Variants in LIN9 observed in about 807,000 individuals in gnomAD.
LIN9 encodes lin-9 DREAM MuvB core complex component, also known as protein lin-9 homolog.
A neutral mutation model predicts 78.0 loss-of-function variants in LIN9; 18 were observed. The ratio of observed to expected loss-of-function variants is 0.23; its 90% confidence interval spans 0.16 to 0.34. LIN9 has a LOEUF of 0.34. Ranked by LOEUF, LIN9 falls within the 10% of genes least tolerant of loss-of-function variation. The pLI is 1.00. For missense variants in LIN9, 451 were observed against 644.1 expected (o/e 0.70, Z 3.25); for synonymous variants, 192 against 215.2 (o/e 0.89, Z 0.94).
Position 226,287,773 on chromosome 1 carries a change from G to T in LIN9, c.289C>A (p.Pro97Thr). ...ATCTTCTGTGAAGCTTTCTTATCTG[G>T]TGTTGACATTGTTGCTGTAAATTTC... ...PQKFTATMST[P>T]DKKASQKIGF... The change falls in exon 5 of 15, where the codon CCA becomes ACA. Residue 97 changes from proline (P) to threonine (T), a missense_variant. By Grantham distance (38) the Pro-to-Thr change is conservative (BLOSUM62 -1). Coordinates refer to ENST00000681046, the MANE Select transcript of LIN9 (RefSeq NM_001366245.2). The T allele has an allele frequency of 1.9e-6, 3 of 1,552,094 alleles. No homozygotes were observed. Among genetic ancestry groups the T allele is most frequent in the Non-Finnish European group, 2.6e-6 (3 of 1,160,310 alleles).
intron 4 of LIN9, among the ~76,000 whole-genome samples, chr1:226,291,173 T>G (rs752675810): frequency 6.6e-6 from 1 of 152,200 alleles, no homozygotes; most frequent in Non-Finnish European, 1.5e-5. Flanking sequence ...ACTTGCAAAT[T>G]TATACAAACA....
rs1418487411 is a variant in LIN9 at position 226,231,315 on chromosome 1, T to C, written c.*1186A>G. On this transcript the variant is annotated 3_prime_UTR_variant, in exon 15 of 15. Coordinates refer to ENST00000681046, the MANE Select transcript of LIN9 (RefSeq NM_001366245.2). ...AGAATACGGAAGCCTTTTTAAACTATACAAAAATTTCAAATGGAAAATAAT... is the reference window on the plus strand; with the variant it reads ...AGAATACGGAAGCCTTTTTAAACTACACAAAAATTTCAAATGGAAAATAAT... 1 of 152,570 alleles carries C rather than the reference T, an allele frequency of 6.6e-6. No homozygotes were observed. The highest frequency in any genetic ancestry group is 2.4e-5 in the African/African-American group (1 of 41,460). The allele number at this position is 152,570 out of a possible 1,614,324, so 9.5% of individuals were successfully genotyped here.
At chr1:226,300,690 T>C (rs991956160) in intron 2 of LIN9, among the ~76,000 whole-genome samples, 1 of 152,184 alleles carries the variant, frequency 6.6e-6, no homozygotes, top group Non-Finnish European at 1.5e-5. Context: ...ATCCCGTCTC[T>C]ACTGAAATTA....
In LIN9 at chr1:226,268,056, A is replaced by G; in HGVS notation, c.717T>C (p.Thr239=). 6.2e-7 allele frequency: 1 copy of G among 1,614,138 alleles called. No individual in the cohort carries two copies. The highest frequency in any genetic ancestry group is 1.1e-5 in the South Asian group (1 of 91,080). Reference sequence around the variant, plus strand: ...GAGTATCCACAGCATCTATTTGTCCAGTGAACAAACCATCATGAACACCAC... The same window carrying G: ...GAGTATCCACAGCATCTATTTGTCCGGTGAACAAACCATCATGAACACCAC... ...RLRGVHDGLF[T]GQIDAVDTLN... is the part of the protein sequence containing the mutation. Residue 239 remains threonine, a synonymous_variant, in exon 8 of 15, where the codon ACT becomes ACC. Coordinates refer to ENST00000681046, the MANE Select transcript of LIN9 (RefSeq NM_001366245.2).
intron 4 of LIN9, among the ~76,000 whole-genome samples, chr1:226,290,333 C>CT (rs60478152): frequency 0.03 from 4,097 of 136,682 alleles, 169 homozygotes; most frequent in African/African-American, 0.097. Context: ...GAGGCTATTT[C>CT]TTTTTTTTTT....
intron 6 of LIN9, among the ~76,000 whole-genome samples, chr1:226,279,993 CATG>C (rs1388484158): frequency 3.9e-5 from 6 of 152,204 alleles, no homozygotes; most frequent in Non-Finnish European, 5.9e-5. Context: ...CCCAAAAGAA[CATG>C]ATATTTTCTC....
chr1:226,253,792 G>A (rs187599720), intron 10 of LIN9, among the ~76,000 whole-genome samples: 1 of 152,098 alleles, frequency 6.6e-6, no homozygotes, highest in African/African-American at 2.4e-5. Flanking sequence ...GCAGGCACCT[G>A]TAATCCTGGC....
At chr1:226,261,344 T>A (rs931820296) in intron 10 of LIN9, among the ~76,000 whole-genome samples, 1 of 151,264 alleles carries the variant, frequency 6.6e-6, no homozygotes, top group Non-Finnish European at 1.5e-5. Context: ...AAAACAACTA[T>A]CTGTTTTAGG....
Position 226,277,922 on chromosome 1 carries a change from CAGA to C in LIN9, c.532_534del (p.Ser178del). 2 of 1,610,480 alleles carry C rather than the reference CAGA, an allele frequency of 1.2e-6. No homozygotes were observed. The highest frequency in any genetic ancestry group is 1.7e-6 in the Non-Finnish European group (2 of 1,178,264). On this transcript the variant is annotated inframe_deletion, in exon 7 of 15. Transcript: ENST00000681046. ...GCTGATCTCTCTTCCTCAAAAAATG[CAGA>C]AGAACATCTAGAATAAATTATAAAA...
intron 3 of LIN9, 87 bp downstream of exon 3, chr1:226,297,632 T>TC (rs1662238493): frequency 1.1e-6 from 1 of 885,298 alleles, no homozygotes; most frequent in East Asian, 2.6e-5. Flanking sequence ...GTAAATTTTT[T>TC]ACTGTGCTGC....
rs1659828530 is a variant in LIN9 at position 226,265,101 on chromosome 1, G to C, written c.1038+432C>G. Among the ~76,000 whole-genome samples the C allele has an allele frequency of 6.6e-6, 1 of 152,130 alleles. No individual in the cohort carries two copies. Among genetic ancestry groups the C allele is most frequent in the Non-Finnish European group, 1.5e-5 (1 of 68,028 alleles). On this transcript the variant is annotated intron_variant, in intron 10 of 14. Transcript: ENST00000681046. The surrounding 1 kb of genome is among the most constrained non-coding windows in gnomAD (Gnocchi z 4.1). ...GTGTCTAATCACTAAGTACTTAGCA[G>C]GTGAATACCTGTTTCTAGTCTCTGA...
In LIN9 at chr1:226,234,182, T is replaced by C. The variant is rs78956326; in HGVS notation, c.1246-659A>G. ...GGATTTCCTTTTTGTAAGTACTAAG[T>C]AGTTGTGAAGAGATACTTTGAGGCT... On this transcript the variant is annotated intron_variant, in intron 12 of 14. Transcript: ENST00000681046. Among the ~76,000 whole-genome samples the C allele has an allele frequency of 4.2e-3, 647 of 152,330 alleles. 26 individuals carry two copies. In the South Asian group the frequency reaches 0.078, roughly 18 times the overall value.
intron 10 of LIN9, among the ~76,000 whole-genome samples, chr1:226,264,385 TAAATAAAC>T (rs929820101): frequency 1.1e-4 from 16 of 151,226 alleles, no homozygotes; most frequent in Non-Finnish European, 1.9e-4. Flanking sequence ...TCAAATAAAA[TAAATAAAC>T]AAATAAATAA....
chr1:226,235,107 T>C (rs890918981), intron 12 of LIN9, among the ~76,000 whole-genome samples: 1 of 151,456 alleles, frequency 6.6e-6, no homozygotes, highest in Non-Finnish European at 1.5e-5. Context: ...CCGAGGTGGG[T>C]GGATCACCTG....
At chr1:226,244,059 A>G (rs1438446926) in intron 11 of LIN9, among the ~76,000 whole-genome samples, 3 of 151,500 alleles carry the variant, frequency 2.0e-5, no homozygotes. Context: ...TATTTTTACT[A>G]GAGGTGGGGT....
chr1:226,247,839 A>AT (rs1205639768), intron 11 of LIN9, among the ~76,000 whole-genome samples: 6 of 151,508 alleles, frequency 4.0e-5, no homozygotes, highest in East Asian at 3.9e-4. Flanking sequence ...CACCCAGCTA[A>AT]TTTTTTTTAT....
In LIN9 at chr1:226,231,560, C is replaced by T. The variant is rs1319434998; in HGVS notation, c.*941G>A. ...GCGTTTTCCTAAAAAAGAAAAACAA[C>T]CAAAACAAGCCTTTCTTCTGCATTT... On this transcript the variant is annotated 3_prime_UTR_variant, in exon 15 of 15. Coordinates refer to ENST00000681046, the MANE Select transcript of LIN9 (RefSeq NM_001366245.2). 1 of 152,458 alleles carries T rather than the reference C, an allele frequency of 6.6e-6. No homozygotes were observed. The highest frequency in any genetic ancestry group is 2.4e-5 in the African/African-American group (1 of 41,398). 9.4% of individuals were successfully genotyped at this position (152,458 alleles called of 1,614,324 possible).
chr1:226,301,048 G>C, intron 2 of LIN9, 125 bp downstream of exon 2: 1 of 547,110 alleles, frequency 1.8e-6, no homozygotes. Context: ...GGTTATCAGT[G>C]AAAACCAATA....
At chr1:226,292,516 G>C (rs886644847) in intron 4 of LIN9, among the ~76,000 whole-genome samples, 1 of 152,132 alleles carries the variant, frequency 6.6e-6, no homozygotes, top group African/African-American at 2.4e-5. Flanking sequence ...GACTGTAGTG[G>C]TCTGATCATA....
Sources: allele counts gnomAD v4.1 joint callset (sites outside exome capture counted in the v4.1 genomes callset), GRCh38; gene constraint gnomAD v4.1.1; non-coding constraint Gnocchi (gnomAD v3.1); transcripts MANE v1.5; gene names NCBI Gene and HGNC (gene_info 2026-07-23, HGNC 2026-07-21).